DENND6A: variants seen among roughly 807,000 people sequenced by gnomAD.
DENND6A encodes the protein DENN domain containing 6A.
DENND6A carries 43 observed loss-of-function variants against 95.5 expected under a neutral mutation model. The ratio of observed to expected loss-of-function variants is 0.45; its 90% confidence interval spans 0.35 to 0.58. DENND6A has a LOEUF of 0.58. Among genes scored for constraint, DENND6A ranks in the 20% least tolerant of loss-of-function variants. The pLI is 0.00. For synonymous variants in DENND6A, 257 were observed against 260.4 expected, an observed-to-expected ratio of 0.99 and a Z score of 0.13; for missense variants, 574 against 736.0, an observed-to-expected ratio of 0.78 and a Z score of 2.55.
chr3:57,628,185 C>G lies in DENND6A; in HGVS notation c.*29G>C, dbSNP rs769541408. The G allele has an allele frequency of 4.4e-6, 7 of 1,606,338 alleles. No individual in the cohort carries two copies. The highest frequency in any genetic ancestry group is 1.7e-5 in the Admixed American group (1 of 59,026). Reference sequence around the variant, plus strand: ...GTCAGTATGCTTCATGATGCATAATCCTTTTTGGCTGGAAAATCTTGGCAA... The same window carrying G: ...GTCAGTATGCTTCATGATGCATAATGCTTTTTGGCTGGAAAATCTTGGCAA... On this transcript the variant is annotated 3_prime_UTR_variant, in exon 20 of 20. Coordinates refer to ENST00000311128, the MANE Select transcript of DENND6A (RefSeq NM_152678.3).
intron 15 of DENND6A, among the ~76,000 whole-genome samples, chr3:57,631,716 C>CTTTTTT (rs1156532234): frequency 3.2e-4 from 29 of 92,008 alleles, no homozygotes; most frequent in Admixed American, 4.3e-4. Context: ...TCTCTGCTCT[C>CTTTTTT]TTTTTTTTTT....
intron 15 of DENND6A, among the ~76,000 whole-genome samples, chr3:57,632,635 A>G (rs1383753877): frequency 6.6e-6 from 1 of 152,222 alleles, no homozygotes; most frequent in Non-Finnish European, 1.5e-5. Context: ...TCATAGATAT[A>G]TTACTTTATA....
intron 10 of DENND6A, 50 bp from the exon 11 acceptor site, chr3:57,645,806 C>A: frequency 7.2e-7 from 1 of 1,382,698 alleles, no homozygotes; most frequent in South Asian, 1.2e-5. Context: ...AATTAAAGGT[C>A]CTAATCTATA....
At chr3:57,638,835 G>A (rs1415804824) in intron 12 of DENND6A, among the ~76,000 whole-genome samples, 1 of 152,118 alleles carries the variant, frequency 6.6e-6, no homozygotes, top group Non-Finnish European at 1.5e-5. Context: ...AGGTGTGGTG[G>A]CTCCCACCTG....
rs1437781997 is a variant in DENND6A, at chr3:57,630,401, CA to C, written c.1620+19del. The C allele has an allele frequency of 6.4e-7, 1 of 1,563,228 alleles. No individual in the cohort carries two copies. Among genetic ancestry groups the C allele is most frequent in the African/African-American group, 1.4e-5 (1 of 71,912 alleles). ...TTTTCAACAGTTGTTAATCATTACA[CA>C]AACACACAGTTTTCGAACCTCTTCA... On this transcript the variant is annotated intron_variant, in intron 18 of 19. Transcript: ENST00000311128.
At chr3:57,676,205 A>C (rs2071706162) in intron 1 of DENND6A, among the ~76,000 whole-genome samples, 1 of 151,714 alleles carries the variant, frequency 6.6e-6, no homozygotes, top group Non-Finnish European at 1.5e-5. Context: ...TGGCGAAACC[A>C]TGTCTCTACT....
intron 19 of DENND6A, 21 bp from the exon 20 acceptor site, chr3:57,628,366 A>G (rs2070580650): frequency 1.2e-6 from 2 of 1,609,988 alleles, no homozygotes; most frequent in Admixed American, 1.7e-5. Context: ...AACATTTCAT[A>G]ACATTTAAAT....
intron 11 of DENND6A, 54 bp downstream of exon 11, chr3:57,645,607 C>G: frequency 7.6e-7 from 1 of 1,317,612 alleles, no homozygotes; most frequent in Non-Finnish European, 1.1e-6. Context: ...AATAATTCTA[C>G]ACAATTTTGG....
At chr3:57,685,562 T>A (rs2077204530) in intron 1 of DENND6A, among the ~76,000 whole-genome samples, 1 of 151,624 alleles carries the variant, frequency 6.6e-6, no homozygotes, top group Non-Finnish European at 1.5e-5. Flanking sequence ...AAGTTTCAGG[T>A]TTTGGAGCGT....
intron 1 of DENND6A, among the ~76,000 whole-genome samples, chr3:57,687,385 T>C (rs1230664330): frequency 6.6e-6 from 1 of 152,172 alleles, no homozygotes; most frequent in African/African-American, 2.4e-5. Flanking sequence ...GAAGAAAAGT[T>C]GGAAGCTAGC....
intron 1 of DENND6A, among the ~76,000 whole-genome samples, chr3:57,679,213 A>G (rs2077137529): frequency 6.6e-6 from 1 of 152,254 alleles, no homozygotes; most frequent in Non-Finnish European, 1.5e-5. Context: ...CAAATATCTG[A>G]AAACAGGATG....
Position 57,633,538 on chromosome 3 carries a change from G to A in DENND6A, c.1264-184C>T, listed in dbSNP as rs148509008. Among the ~76,000 whole-genome samples, 8 of 152,212 alleles carry A rather than the reference G, an allele frequency of 5.3e-5. No individual in the cohort carries two copies. The East Asian group carries it at 5.8e-4, about 11-fold the overall frequency. Reference sequence around the variant, plus strand: ...ATATCCTGTGAAAATAATCTTTACCGGAGCAAAACATAAGAGTTCTTAGCT... The same window carrying A: ...ATATCCTGTGAAAATAATCTTTACCAGAGCAAAACATAAGAGTTCTTAGCT... On this transcript the variant is annotated intron_variant, in intron 14 of 19. Coordinates refer to ENST00000311128, the MANE Select transcript of DENND6A (RefSeq NM_152678.3).
intron 5 of DENND6A, among the ~76,000 whole-genome samples, chr3:57,662,462 C>T (rs960212377): frequency 6.6e-6 from 1 of 151,756 alleles, no homozygotes; most frequent in Admixed American, 6.6e-5. Context: ...CTTGTCCTCC[C>T]GAAGTGTTGG....
intron 2 of DENND6A, 25 bp downstream of exon 2, chr3:57,672,375 T>C (rs2071632932): frequency 1.2e-6 from 2 of 1,611,984 alleles, no homozygotes; most frequent in African/African-American, 1.3e-5. Flanking sequence ...AACAGTAAAC[T>C]ATACAGAGCA....
intron 1 of DENND6A, among the ~76,000 whole-genome samples, chr3:57,690,638 TAC>T (rs1192668934): frequency 2.7e-5 from 4 of 150,510 alleles, no homozygotes; most frequent in Admixed American, 6.6e-5. Context: ...GAGCCGAAAT[TAC>T]ACCACTGCAC....
Position 57,627,930 on chromosome 3 carries a change from G to T in DENND6A, c.*284C>A, listed in dbSNP as rs1383501541. The T allele has an allele frequency of 3.8e-6, 1 of 261,502 alleles. No homozygotes were observed. Among genetic ancestry groups the T allele is most frequent in the Admixed American group, 4.9e-5 (1 of 20,436 alleles). 16.2% of individuals were successfully genotyped at this position (261,502 alleles called of 1,614,324 possible). ...ACTGCAGTATGAAATCACTAATACTGATGGCCCACAAGTCTCTCATAAGAG... is the reference window on the plus strand; with the variant it reads ...ACTGCAGTATGAAATCACTAATACTTATGGCCCACAAGTCTCTCATAAGAG... On this transcript the variant is annotated 3_prime_UTR_variant, in exon 20 of 20. Transcript: ENST00000311128.
At chr3:57,646,830 T>C (rs1455305432) in intron 9 of DENND6A, among the ~76,000 whole-genome samples, 2 of 152,216 alleles carry the variant, frequency 1.3e-5, no homozygotes, top group Non-Finnish European at 2.9e-5. Context: ...CCAAGGGCAC[T>C]TATTGGATAT....
chr3:57,645,162 T>C (rs555914075), intron 11 of DENND6A, among the ~76,000 whole-genome samples: 4 of 152,108 alleles, frequency 2.6e-5, no homozygotes, highest in African/African-American at 9.6e-5. Context: ...TAGCTTCCAT[T>C]AATAAATAAA....
chr3:57,635,319 C>A (rs1370188230), intron 12 of DENND6A, among the ~76,000 whole-genome samples: 1 of 152,112 alleles, frequency 6.6e-6, no homozygotes, highest in Non-Finnish European at 1.5e-5. Flanking sequence ...CAGGTCTGAG[C>A]CACAGATGGA....
Sources: allele counts gnomAD v4.1 joint callset (sites outside exome capture counted in the v4.1 genomes callset), GRCh38; gene constraint gnomAD v4.1.1; transcripts MANE v1.5; gene names NCBI Gene and HGNC (gene_info 2026-07-23, HGNC 2026-07-21).